Variants in AGMO observed in about 807,000 individuals in gnomAD.
AGMO encodes alkylglycerol monooxygenase, also known as glyceryl-ether monooxygenase.
In AGMO, 75 loss-of-function variants were observed where a neutral mutation model predicts 60.2. The ratio of observed to expected loss-of-function variants is 1.25; its 90% CI spans 1.03 to 1.51. AGMO has a LOEUF of 1.51. Among genes scored for constraint, AGMO ranks in the 40% most tolerant of loss-of-function variants. AGMO has a pLI of 0.00. For missense variants in AGMO, 763 were observed against 525.5 expected, an observed-to-expected ratio of 1.45 and a Z score of -4.42; for synonymous variants, 261 against 177.1, an observed-to-expected ratio of 1.47 and a Z score of -3.76.
chr7:15,335,254 T>C (rs891028224), intron 12 of AGMO, among the ~76,000 whole-genome samples: 2 of 152,124 alleles, frequency 1.3e-5, no homozygotes, highest in South Asian at 2.1e-4. Context: ...CATTTAGCTA[T>C]TGTTAATGAA....
chr7:15,339,836 T>A (rs1045418422), intron 12 of AGMO, among the ~76,000 whole-genome samples: 1 of 152,210 alleles, frequency 6.6e-6, no homozygotes, highest in African/African-American at 2.4e-5. Flanking sequence ...AGCAATTTTT[T>A]AAATCAAGTA....
At chr7:15,520,797 A>G (rs1783962936) in intron 3 of AGMO, among the ~76,000 whole-genome samples, 2 of 152,200 alleles carry the variant, frequency 1.3e-5, no homozygotes, top group Non-Finnish European at 2.9e-5. Flanking sequence ...AAACTAGAGA[A>G]GGAAGAGCAA....
chr7:15,557,050 G>A (rs1785162963), intron 2 of AGMO, among the ~76,000 whole-genome samples: 1 of 151,908 alleles, frequency 6.6e-6, no homozygotes, highest in South Asian at 2.1e-4. Context: ...GTTTGAAAGA[G>A]GCAGCATGTG....
At chr7:15,187,502 G>A in the AGMO span, among the ~76,000 whole-genome samples, 21,151 of 152,084 alleles carry the variant, frequency 0.14, 1,920 homozygotes, top group East Asian at 0.46. Flanking sequence ...CTTTCATCAC[G>A]TTAGTCATAA....
chr7:15,119,195 C>T, the AGMO span, among the ~76,000 whole-genome samples: 26 of 151,794 alleles, frequency 1.7e-4, no homozygotes, highest in African/African-American at 5.3e-4. Flanking sequence ...GGTCGTGGGC[C>T]CTGGTGAGAG....
intron 12 of AGMO, among the ~76,000 whole-genome samples, chr7:15,262,176 AAAG>A (rs1273593486): frequency 1.3e-5 from 2 of 152,118 alleles, no homozygotes; most frequent in Non-Finnish European, 2.9e-5. Flanking sequence ...CCAAATCAGT[AAAG>A]AAGAAGTCAA....
At chr7:15,223,319 C>G (rs771209400) in intron 12 of AGMO, among the ~76,000 whole-genome samples, 1 of 151,906 alleles carries the variant, frequency 6.6e-6, no homozygotes, top group Non-Finnish European at 1.5e-5. Flanking sequence ...TAAGAGACAA[C>G]TAGCAGGTAC....
At chr7:15,381,613 T>C (rs935737536) in intron 10 of AGMO, among the ~76,000 whole-genome samples, 1 of 152,090 alleles carries the variant, frequency 6.6e-6, no homozygotes, top group Non-Finnish European at 1.5e-5. Flanking sequence ...GAAGACAGTG[T>C]GGAATTCCTC....
At chr7:15,270,523 G>T (rs1783566422) in intron 12 of AGMO, among the ~76,000 whole-genome samples, 1 of 142,610 alleles carries the variant, frequency 7.0e-6, no homozygotes, top group African/African-American at 2.6e-5. Context: ...CTGGATATTA[G>T]TCCTTTGTTG....
intron 12 of AGMO, among the ~76,000 whole-genome samples, chr7:15,363,554 T>A (rs1030690564): frequency 3.3e-5 from 5 of 152,152 alleles, no homozygotes; most frequent in African/African-American, 1.2e-4. Context: ...AAGCCAAGAA[T>A]CAAATTCAGG....
intron 12 of AGMO, among the ~76,000 whole-genome samples, chr7:15,282,695 C>T (rs929379937): frequency 2.0e-5 from 3 of 152,166 alleles, no homozygotes; most frequent in Non-Finnish European, 4.4e-5. Context: ...ACTTCCCTGG[C>T]TTTGTTAGGC....
chr7:15,301,510 T>C (rs1009441687), intron 12 of AGMO, among the ~76,000 whole-genome samples: 2 of 152,026 alleles, frequency 1.3e-5, no homozygotes, highest in Non-Finnish European at 2.9e-5. Flanking sequence ...CTTGTTTTTT[T>C]TTAAACCAAC....
At chr7:15,330,844 A>G (rs898545297) in intron 12 of AGMO, among the ~76,000 whole-genome samples, 13 of 152,100 alleles carry the variant, frequency 8.5e-5, no homozygotes, top group Non-Finnish European at 4.4e-5. Context: ...GGAAGTGTAG[A>G]AATCCGCTGA....
At chr7:15,556,536 G>T (rs1785145799) in intron 2 of AGMO, among the ~76,000 whole-genome samples, 1 of 151,980 alleles carries the variant, frequency 6.6e-6, no homozygotes, top group Non-Finnish European at 1.5e-5. Context: ...CTTCTCTGGG[G>T]AGGATGCAAT....
chr7:15,124,347 G>A, the AGMO span, among the ~76,000 whole-genome samples: 3 of 151,794 alleles, frequency 2.0e-5, no homozygotes, highest in Admixed American at 6.6e-5. Flanking sequence ...TCCAATATGC[G>A]TGGCCAGATT....
intron 3 of AGMO, among the ~76,000 whole-genome samples, chr7:15,540,264 T>C (rs112583778): frequency 9.8e-5 from 15 of 152,294 alleles, no homozygotes; most frequent in African/African-American, 3.6e-4. Flanking sequence ...TGGAACTCTG[T>C]TGGTGACAGA....
At position 15,200,357 on chromosome 7, in the gene AGMO, A is replaced by G. The variant is rs1781243257; in HGVS notation, c.*928T>C. 2 of 152,232 alleles carry G rather than the reference A, an allele frequency of 1.3e-5. No individual in the cohort carries two copies. Among genetic ancestry groups the G allele is most frequent in the African/African-American group, 4.8e-5 (2 of 41,472 alleles). The allele number at this position is 152,232 out of a possible 1,614,324, so 9.4% of individuals were successfully genotyped here. A position where few individuals can be genotyped will look rare whatever the true frequency, so the allele number is the denominator to read the frequency against. ...TATTTAGAGAATTAACATTGTTCTG[A>G]TAACTTTAAATAATGCAGAATTGCT... is the stretch of plus-strand genomic sequence containing the variant. On this transcript the variant is annotated 3_prime_UTR_variant, in exon 13 of 13. Coordinates refer to ENST00000342526, the MANE Select transcript of AGMO (RefSeq NM_001004320.2).
At chr7:15,210,477 T>A (rs1250592891) in intron 12 of AGMO, among the ~76,000 whole-genome samples, 1 of 152,130 alleles carries the variant, frequency 6.6e-6, no homozygotes, top group Non-Finnish European at 1.5e-5. Flanking sequence ...ATTTGGAAAC[T>A]GAAATTTTAA....
At chr7:15,558,508 T>A (rs2057740) in intron 2 of AGMO, among the ~76,000 whole-genome samples, 149,828 of 152,124 alleles carry the variant, frequency 0.98, 73,792 homozygotes, top group East Asian at 1. Context: ...TGTTGAATGT[T>A]TTTCTTGTTC....
Sources: allele counts gnomAD v4.1 joint callset (sites outside exome capture counted in the v4.1 genomes callset), GRCh38; gene constraint gnomAD v4.1.1; transcripts MANE v1.5; gene names NCBI Gene and HGNC (gene_info 2026-07-23, HGNC 2026-07-21).